Variants in TXNDC8 observed in about 807,000 individuals in gnomAD.
TXNDC8 encodes thioredoxin domain-containing protein 8.
Under a neutral mutation model 12.9 loss-of-function variants are expected in TXNDC8, and 15 were observed. That is an observed-to-expected ratio of 1.16 (90% confidence interval 0.78 to 1.79). The LOEUF is 1.79. Ranked by LOEUF, TXNDC8 falls within the 40% of genes most tolerant of loss-of-function variation. TXNDC8 has a pLI of 0.00. For synonymous variants in TXNDC8, 40 were observed against 35.4 expected (o/e 1.13, Z -0.46); for missense variants, 128 against 113.2 (o/e 1.13, Z -0.59).
rs1366408518 is a variant in TXNDC8 at position 110,311,673 on chromosome 9, T to A, written c.196-7141A>T. On this transcript the variant is annotated intron_variant, in intron 3 of 4. Transcript: ENST00000423740. ...TATATATGGATATAGTAATATAGTA[T>A]ATCCTTATATATATATATATATACA... Among the ~76,000 whole-genome samples the A allele has an allele frequency of 6.2e-4, 72 of 116,724 alleles. 2 individuals are homozygous for A. The highest frequency in any genetic ancestry group is 2.3e-3 in the African/African-American group (70 of 30,686). 76.6% of individuals were successfully genotyped at this position (116,724 alleles called of 152,430 possible). A position where few individuals can be genotyped will look rare whatever the true frequency, so the allele number is the denominator to read the frequency against.
At chr9:110,305,641 T>C (rs1456605285) in intron 3 of TXNDC8, among the ~76,000 whole-genome samples, 1 of 145,152 alleles carries the variant, frequency 6.9e-6, no homozygotes, top group East Asian at 2.2e-4. Context: ...TCTTTTTCTT[T>C]CTTTCTATTT....
chr9:110,335,982 G>C (rs1317536881), intron 1 of TXNDC8, among the ~76,000 whole-genome samples: 1 of 152,148 alleles, frequency 6.6e-6, no homozygotes, highest in African/African-American at 2.4e-5. Context: ...AATTATGGGG[G>C]TGGGTTTTTC....
chr9:110,329,848 A>G (rs1839484016), intron 2 of TXNDC8, among the ~76,000 whole-genome samples: 1 of 152,162 alleles, frequency 6.6e-6, no homozygotes, highest in African/African-American at 2.4e-5. Flanking sequence ...ATGTGTGGAA[A>G]CTAGATTTTC....
intron 2 of TXNDC8, among the ~76,000 whole-genome samples, chr9:110,330,863 C>T (rs1421272014): frequency 6.6e-6 from 1 of 152,182 alleles, no homozygotes; most frequent in Non-Finnish European, 1.5e-5. Flanking sequence ...TGCATAATTT[C>T]AATCACTTCT....
chr9:110,313,250 C>T (rs1838754652), intron 3 of TXNDC8, among the ~76,000 whole-genome samples: 1 of 152,098 alleles, frequency 6.6e-6, no homozygotes, highest in African/African-American at 2.4e-5. Flanking sequence ...CTTATCTTTT[C>T]CCCCAATTTT....
At chr9:110,301,532 A>G (rs945841769), downstream of TXNDC8, among the ~76,000 whole-genome samples, 1 of 151,764 alleles carries the variant, frequency 6.6e-6, no homozygotes, top group African/African-American at 2.4e-5. Context: ...CCCCACCCTT[A>G]TAATAGGAGC....
At chr9:110,325,669 C>A (rs189504629) in intron 3 of TXNDC8, among the ~76,000 whole-genome samples, 1 of 151,996 alleles carries the variant, frequency 6.6e-6, no homozygotes, top group Non-Finnish European at 1.5e-5. Flanking sequence ...TACAGGCGCC[C>A]GCCACCACGC....
intron 3 of TXNDC8, chr9:110,323,960 G>A (rs186638924): frequency 6.4e-7 from 1 of 1,550,728 alleles, no homozygotes; most frequent in African/African-American, 1.4e-5. Context: ...ATTTCTGATG[G>A]GGATGGAGTT....
Position 110,337,766 on chromosome 9 carries a change from T to C in TXNDC8, c.24+7A>G. 1 of 1,613,840 alleles carries C rather than the reference T, an allele frequency of 6.2e-7. No individual in the cohort carries two copies. Among genetic ancestry groups the C allele is most frequent in the African/African-American group, 1.3e-5 (1 of 75,044 alleles). ...GAAATACTCAGTGAAGCCAAATAAA[T>C]ACTTGCCGTGTCTTTAATAATCTGT... On this transcript the variant is annotated splice_region_variant and intron_variant, in intron 1 of 4. Coordinates refer to ENST00000423740, the MANE Select transcript of TXNDC8 (RefSeq NM_001286946.2).
At chr9:110,308,224 T>G (rs1434134250) in intron 3 of TXNDC8, among the ~76,000 whole-genome samples, 1 of 152,200 alleles carries the variant, frequency 6.6e-6, no homozygotes, top group African/African-American at 2.4e-5. Flanking sequence ...TTTTTAGAGT[T>G]TTACTTGCTT....
chr9:110,312,769 C>T (rs943631395), intron 3 of TXNDC8, among the ~76,000 whole-genome samples: 5 of 152,162 alleles, frequency 3.3e-5, no homozygotes, highest in African/African-American at 9.7e-5. Flanking sequence ...AAATGGGAAC[C>T]TGGAGAGAGA....
At chr9:110,322,897 C>A (rs534504346) in intron 3 of TXNDC8, 29 of 985,420 alleles carry the variant, frequency 2.9e-5, no homozygotes, top group Middle Eastern at 1.0e-3. Flanking sequence ...AGTCACTGAG[C>A]TTTCAAATCA....
chr9:110,315,387 T>C (rs117330592), intron 3 of TXNDC8, among the ~76,000 whole-genome samples: 5,085 of 152,240 alleles, frequency 0.033, 132 homozygotes, highest in Non-Finnish European at 0.058. Flanking sequence ...TGTGAGCCAC[T>C]GCACCCAGCC....
chr9:110,324,007 G>A, intron 3 of TXNDC8: 1 of 1,549,702 alleles, frequency 6.5e-7, no homozygotes, highest in African/African-American at 1.4e-5. Flanking sequence ...GAGCCCTAAG[G>A]AAGTACATGG....
At position 110,324,088 on chromosome 9, in the gene TXNDC8, G is replaced by T. The variant is rs993457205; in HGVS notation, c.195+2087C>A. ...ACTATTAATAGAGAATGGATGCTGG[G>T]TGCCAAAAAGAAGTGTCTAAACTCC... is the stretch of plus-strand genomic sequence containing the variant. On this transcript the variant is annotated intron_variant, in intron 3 of 4. Coordinates refer to ENST00000423740, the MANE Select transcript of TXNDC8 (RefSeq NM_001286946.2). The T allele has an allele frequency of 2.2e-5, 32 of 1,449,716 alleles. No homozygotes were observed. In the African/African-American group the frequency reaches 3.6e-4, roughly 16 times the overall value. 89.8% of individuals were successfully genotyped at this position (1,449,716 alleles called of 1,614,324 possible).
chr9:110,332,668 A>G (rs1839590130), intron 2 of TXNDC8, among the ~76,000 whole-genome samples: 1 of 152,218 alleles, frequency 6.6e-6, no homozygotes, highest in Non-Finnish European at 1.5e-5. Flanking sequence ...AAGTGCCCTG[A>G]GATTCTTTCT....
At chr9:110,325,309 A>G (rs939170708) in intron 3 of TXNDC8, among the ~76,000 whole-genome samples, 2 of 152,142 alleles carry the variant, frequency 1.3e-5, no homozygotes, top group Non-Finnish European at 2.9e-5. Flanking sequence ...GGGAAAATTT[A>G]TTATGATTCA....
intron 3 of TXNDC8, among the ~76,000 whole-genome samples, chr9:110,310,938 C>G (rs1838641562): frequency 6.6e-6 from 1 of 152,190 alleles, no homozygotes; most frequent in South Asian, 2.1e-4. Context: ...ATAGTTACAT[C>G]TTGAATTTAG....
At chr9:110,301,257 C>G (rs951536092), downstream of TXNDC8, among the ~76,000 whole-genome samples, 7 of 152,152 alleles carry the variant, frequency 4.6e-5, no homozygotes, top group Non-Finnish European at 1.0e-4. Flanking sequence ...ATTTTTCTCC[C>G]AGAGAACCAG....
Sources: gnomAD v4.1 joint callset for allele counts (sites outside exome capture counted in the v4.1 genomes callset) on GRCh38, gnomAD v4.1.1 for gene constraint, MANE v1.5 for transcripts, NCBI Gene and HGNC (gene_info 2026-07-23, HGNC 2026-07-21) for gene names.